Variants in NANP observed in about 807,000 individuals in gnomAD.
NANP encodes the protein N-acetylneuraminic acid phosphatase.
Under a neutral mutation model 16.9 loss-of-function variants are expected in NANP, and 15 were observed. The ratio of observed to expected loss-of-function variants is 0.89; its 90% CI spans 0.59 to 1.37. The LOEUF (loss-of-function observed/expected upper bound fraction) is 1.37. Among genes scored for constraint, NANP ranks in the 40% most tolerant of loss-of-function variants. NANP has a pLI of 0.00. For missense variants in NANP, 290 were observed against 303.5 expected, an observed-to-expected ratio of 0.96 and a Z score of 0.33; for synonymous variants, 135 against 112.6, an observed-to-expected ratio of 1.20 and a Z score of -1.26.
In NANP at chr20:25,623,323, CAGA is replaced by C. The variant is rs1359545895; in HGVS notation, c.90+533_90+535del. 2.6e-5 allele frequency among the ~76,000 whole-genome samples: 4 copies of C among 152,352 alleles called. 1 individual carries two copies. The highest frequency in any genetic ancestry group is 4.8e-5 in the African/African-American group (2 of 41,592). ...GTGACCACCACCCCGCCAGGGAGGC[CAGA>C]AGAAGTTCTGCGGCGACAATTCTCT... is the stretch of plus-strand genomic sequence containing the variant. On this transcript the variant is annotated intron_variant, in intron 1 of 1. Transcript: ENST00000304788.
In NANP at chr20:25,615,992, A is replaced by G. The variant is rs2065341546; in HGVS notation, c.680T>C (p.Val227Ala). Residue 227 changes from valine to alanine, a missense_variant, in exon 2 of 2, where the codon GTT (valine) becomes GCT (alanine). Coordinates refer to ENST00000304788, the MANE Select transcript of NANP (RefSeq NM_152667.3). ...LKSSPVPHYMVSSVLELPALL... is the reference protein window; with the variant it reads ...LKSSPVPHYMASSVLELPALL... ...AGCAGGTAACTCTAGCACAGAAGAA[A>G]CCATGTAATGCGGAACTGGGGAGGA... The G allele has an allele frequency of 6.2e-7, 1 of 1,614,102 alleles. No homozygotes were observed. The highest frequency in any genetic ancestry group is 8.5e-7 in the Non-Finnish European group (1 of 1,180,044).
Position 25,623,945 on chromosome 20 carries a change from C to A in NANP, c.4G>T (p.Gly2Trp), listed in dbSNP as rs1378153999. The A allele has an allele frequency of 6.2e-7, 1 of 1,612,602 alleles. No individual in the cohort carries two copies. Among genetic ancestry groups the A allele is most frequent in the Non-Finnish European group, 8.5e-7 (1 of 1,179,656 alleles). M[G>W]LSRVRAVFFD... The stretch of plus-strand genomic sequence containing the variant: ...AAAACCGCCCGCACGCGGCTCAGCC[C>A]CATAGCGCCGGCCGCTGGCGCGAAC... Residue 2 changes from glycine to tryptophan, a missense_variant, in exon 1 of 2, where the codon GGG (glycine) becomes TGG (tryptophan). By Grantham distance (184) the Gly-to-Trp change is radical. Transcript: ENST00000304788.
chr20:25,620,823 CTT>C (rs571444441), intron 1 of NANP, among the ~76,000 whole-genome samples: 5 of 147,314 alleles, frequency 3.4e-5, no homozygotes, highest in Non-Finnish European at 3.0e-5. Flanking sequence ...AGAGGCCCCC[CTT>C]TTTTTTTTTT....
intron 1 of NANP, among the ~76,000 whole-genome samples, chr20:25,618,471 C>A (rs1454095342): frequency 6.6e-6 from 1 of 152,158 alleles, no homozygotes; most frequent in Non-Finnish European, 1.5e-5. Flanking sequence ...ACTGGGGAAC[C>A]TGTTCACAGA....
chr20:25,620,310 C>G (rs1048138811), intron 1 of NANP, among the ~76,000 whole-genome samples: 13 of 152,114 alleles, frequency 8.5e-5, no homozygotes, highest in Non-Finnish European at 1.5e-5. Flanking sequence ...AAAGAGCCCA[C>G]AAGGTGCTCG....
At chr20:25,623,052 G>GCTCT (rs1305560582) in intron 1 of NANP, among the ~76,000 whole-genome samples, 1 of 152,248 alleles carries the variant, frequency 6.6e-6, no homozygotes, top group Non-Finnish European at 1.5e-5. Context: ...AGCATGAAGA[G>GCTCT]GACGGGGCGC....
At chr20:25,618,014 A>G (rs549074912) in intron 1 of NANP, among the ~76,000 whole-genome samples, 6 of 152,250 alleles carry the variant, frequency 3.9e-5, no homozygotes, top group Admixed American at 3.3e-4. Flanking sequence ...CCATGTTCCA[A>G]ATTAGGCAGG....
Position 25,616,617 on chromosome 20 carries a change from A to T in NANP, c.91-36T>A, listed in dbSNP as rs762764493. On this transcript the variant is annotated intron_variant, in intron 1 of 1. Transcript: ENST00000304788. ...GAAAATAACTCCATTAACACATTGC[A>T]TGTCTTTAGTAGTCATGCCCTAGGA... 6.4e-5 allele frequency: 95 copies of T among 1,485,830 alleles called. 1 individual carries two copies. In the East Asian group the frequency reaches 2.1e-3, roughly 33 times the overall value. The allele number at this position is 1,485,830 out of a possible 1,614,324, so 92.0% of individuals were successfully genotyped here. A position where few individuals can be genotyped will look rare whatever the true frequency, so the allele number is the denominator to read the frequency against.
chr20:25,616,981 G>A (rs1033611717), intron 1 of NANP, among the ~76,000 whole-genome samples: 11 of 152,152 alleles, frequency 7.2e-5, no homozygotes, highest in African/African-American at 2.7e-4. Context: ...GAGTTTAGGA[G>A]TTCAGGACCA....
chr20:25,619,133 T>TG (rs1339290135), intron 1 of NANP, among the ~76,000 whole-genome samples: 3 of 150,466 alleles, frequency 2.0e-5, no homozygotes, highest in Admixed American at 6.6e-5. Context: ...TTTTTTTTTT[T>TG]TTTTTTCCCC....
chr20:25,613,881 T>C lies in NANP; in HGVS notation c.*2044A>G. 2.5e-6 allele frequency: 1 copy of C among 398,572 alleles called. No homozygotes were observed. The highest frequency in any genetic ancestry group is 4.4e-6 in the Non-Finnish European group (1 of 226,048). 24.7% of individuals were successfully genotyped at this position (398,572 alleles called of 1,614,324 possible). A position where few individuals can be genotyped will look rare whatever the true frequency, so the allele number is the denominator to read the frequency against. On this transcript the variant is annotated 3_prime_UTR_variant, in exon 2 of 2. Transcript: ENST00000304788. ...CATAATGAATGTGACACTGCCTACATCCATCCTGTGGGAGAGTTAAAAGGA... is the reference window on the plus strand; with the variant it reads ...CATAATGAATGTGACACTGCCTACACCCATCCTGTGGGAGAGTTAAAAGGA...
At position 25,614,758 on chromosome 20, in the gene NANP, T is replaced by C. The variant is rs2065335769; in HGVS notation, c.*1167A>G. The C allele has an allele frequency of 6.6e-6, 1 of 151,788 alleles. No homozygotes were observed. The highest frequency in any genetic ancestry group is 1.5e-5 in the Non-Finnish European group (1 of 67,984). The allele number at this position is 151,788 out of a possible 1,614,324, so 9.4% of individuals were successfully genotyped here. ...ATCCTAGGACTTTAGGAGGCTGAGGTGGGAGGATCACTTGAATCCAGGAAT... is the reference window on the plus strand; with the variant it reads ...ATCCTAGGACTTTAGGAGGCTGAGGCGGGAGGATCACTTGAATCCAGGAAT... On this transcript the variant is annotated 3_prime_UTR_variant, in exon 2 of 2. Transcript: ENST00000304788.
intron 1 of NANP, among the ~76,000 whole-genome samples, chr20:25,621,336 G>C (rs1485356506): frequency 6.6e-6 from 1 of 152,102 alleles, no homozygotes; most frequent in Non-Finnish European, 1.5e-5. Flanking sequence ...CACAAATGCA[G>C]AAATCTCTTC....
At position 25,616,179 on chromosome 20, in the gene NANP, G is replaced by T; in HGVS notation, c.493C>A (p.Pro165Thr). The stretch of plus-strand genomic sequence containing the variant: ...CAGTAATAAAATATGGACGGTGCTG[G>T]TTTCTCCTCTCTCTGCTCTCCACCT... Reference protein sequence around the residue: ...VVGGEQREEKPAPSIFYYCCN... With the variant: ...VVGGEQREEKTAPSIFYYCCN... Residue 165 changes from proline to threonine, a missense_variant, in exon 2 of 2, where the codon CCA becomes ACA. Coordinates refer to ENST00000304788, the MANE Select transcript of NANP (RefSeq NM_152667.3). 6.2e-7 allele frequency: 1 copy of T among 1,614,140 alleles called. No individual in the cohort carries two copies. Among genetic ancestry groups the T allele is most frequent in the Non-Finnish European group, 8.5e-7 (1 of 1,180,020 alleles).
chr20:25,623,766 G>A (rs749974084), intron 1 of NANP, 93 bp downstream of exon 1: 115 of 1,239,110 alleles, frequency 9.3e-5, no homozygotes, highest in Non-Finnish European at 1.2e-4. Context: ...CCGCGGCGCC[G>A]GGGTGGAAGT....
In NANP at chr20:25,615,876, T is replaced by C. The variant is rs1335884573; in HGVS notation, c.*49A>G. On this transcript the variant is annotated 3_prime_UTR_variant, in exon 2 of 2. Transcript: ENST00000304788. ...GAGTGCCCTAACTTTTCTTATTTCATACTCAGCAAATTGATTCTAACATTC... is the reference window on the plus strand; with the variant it reads ...GAGTGCCCTAACTTTTCTTATTTCACACTCAGCAAATTGATTCTAACATTC... 6.6e-7 allele frequency: 1 copy of C among 1,520,164 alleles called. No individual in the cohort carries two copies. The highest frequency in any genetic ancestry group is 1.4e-5 in the African/African-American group (1 of 72,036). 94.2% of individuals were successfully genotyped at this position (1,520,164 alleles called of 1,614,324 possible).
intron 1 of NANP, among the ~76,000 whole-genome samples, chr20:25,621,067 A>G (rs1223906630): frequency 2.0e-5 from 3 of 152,152 alleles, no homozygotes; most frequent in Admixed American, 2.0e-4. Context: ...GGGATCCAGC[A>G]CGACAGAAGG....
At chr20:25,617,812 C>G (rs747311184) in intron 1 of NANP, among the ~76,000 whole-genome samples, 5 of 152,164 alleles carry the variant, frequency 3.3e-5, no homozygotes, top group African/African-American at 4.8e-5. Context: ...CCACTGCGCC[C>G]GGCCCCAATT....
chr20:25,615,855 G>C lies in NANP; in HGVS notation c.*70C>G. ...AGAGCTGGATTATCATAAGTGGAGT[G>C]CCCTAACTTTTCTTATTTCATACTC... On this transcript the variant is annotated 3_prime_UTR_variant, in exon 2 of 2. Transcript: ENST00000304788. 1 of 1,386,116 alleles carries C rather than the reference G, an allele frequency of 7.2e-7. No homozygotes were observed. Among genetic ancestry groups the C allele is most frequent in the Non-Finnish European group, 9.9e-7 (1 of 1,014,842 alleles). The allele number at this position is 1,386,116 out of a possible 1,614,324, so 85.9% of individuals were successfully genotyped here.
Sources: gnomAD v4.1 joint callset for allele counts (sites outside exome capture counted in the v4.1 genomes callset) on GRCh38, gnomAD v4.1.1 for gene constraint, MANE v1.5 for transcripts, NCBI Gene and HGNC (gene_info 2026-07-23, HGNC 2026-07-21) for gene names.